Variants in SYT14 observed in about 807,000 individuals in gnomAD.
SYT14 encodes synaptotagmin 14, also known as synaptotagmin-14.
Under a neutral mutation model 74.2 loss-of-function variants are expected in SYT14, and 32 were observed. That is an observed-to-expected ratio of 0.43 (90% CI 0.33 to 0.58). SYT14 has a LOEUF of 0.58. SYT14 is among the 20% of genes least tolerant of loss of function. SYT14 has a pLI of 0.05. For synonymous variants in SYT14, 298 were observed against 337.7 expected (o/e 0.88, Z 1.29); for missense variants, 791 against 981.8 (o/e 0.81, Z 2.60).
At chr1:210,156,844 C>A in intron 8 of SYT14, 1 of 386,736 alleles carries the variant, frequency 2.6e-6, no homozygotes. Context: ...AGGCACCCAC[C>A]ACCACACCTA....
chr1:210,061,145 A>G (rs1454503451), intron 5 of SYT14, among the ~76,000 whole-genome samples: 1 of 151,760 alleles, frequency 6.6e-6, no homozygotes, highest in African/African-American at 2.4e-5. Context: ...CTATCCCATT[A>G]ATTTCATCCT....
At chr1:210,031,511 C>T (rs1174294257) in intron 5 of SYT14, among the ~76,000 whole-genome samples, 6 of 152,050 alleles carry the variant, frequency 3.9e-5, no homozygotes, top group Non-Finnish European at 8.8e-5. Context: ...CTCATAAATG[C>T]TTGGTAGAAT....
chr1:209,943,684 G>A (rs2078775477), intron 1 of SYT14, among the ~76,000 whole-genome samples: 1 of 152,044 alleles, frequency 6.6e-6, no homozygotes, highest in African/African-American at 2.4e-5. Context: ...ATGTGTGGTA[G>A]TATAATAGAT....
intron 4 of SYT14, among the ~76,000 whole-genome samples, chr1:210,020,481 G>T (rs1459196751): frequency 1.3e-5 from 2 of 152,154 alleles, no homozygotes; most frequent in Non-Finnish European, 2.9e-5. Context: ...CTCTAGGAAA[G>T]TAGTATCAGT....
At chr1:209,968,077 A>G (rs2079183908) in intron 2 of SYT14, among the ~76,000 whole-genome samples, 1 of 152,206 alleles carries the variant, frequency 6.6e-6, no homozygotes, top group African/African-American at 2.4e-5. Context: ...TTCAGTATGT[A>G]AACAATCAGG....
At chr1:210,013,746 C>A (rs1267189928) in exon 3 of SYT14, 3 of 1,612,690 alleles carry the variant, frequency 1.9e-6, no homozygotes, top group Non-Finnish European at 1.7e-6. Flanking sequence ...TGGCGGGTTT[C>A]CAGATCTTGG....
chr1:210,058,354 G>A (rs1431003361), intron 5 of SYT14, among the ~76,000 whole-genome samples: 1 of 152,184 alleles, frequency 6.6e-6, no homozygotes, highest in Non-Finnish European at 1.5e-5. Context: ...GAGGTACTGT[G>A]GTTACAGCTC....
At chr1:210,010,283 T>C (rs979569816) in intron 2 of SYT14, among the ~76,000 whole-genome samples, 3 of 152,196 alleles carry the variant, frequency 2.0e-5, no homozygotes, top group Non-Finnish European at 4.4e-5. Context: ...TAATCTTTCC[T>C]GAATACACAT....
At chr1:210,164,287 A>T (rs1418298234) in exon 10 of SYT14, 3 of 223,704 alleles carry the variant, frequency 1.3e-5, no homozygotes, top group African/African-American at 2.4e-5. Context: ...GACCACAATT[A>T]AAAAAAAAGA....
At chr1:210,040,171 A>G (rs1425841725) in intron 5 of SYT14, among the ~76,000 whole-genome samples, 3 of 152,322 alleles carry the variant, frequency 2.0e-5, no homozygotes, top group Admixed American at 6.5e-5. Flanking sequence ...CATATACACC[A>G]TGGAATACTA....
chr1:210,159,272 C>T (rs917168271), intron 8 of SYT14, 149 bp from the exon 8 acceptor site: 7 of 787,974 alleles, frequency 8.9e-6, no homozygotes, highest in Non-Finnish European at 1.3e-5. Flanking sequence ...TTTGTTCAAT[C>T]CTCTATCTGA....
chr1:210,107,108 G>C (rs2082172386), intron 7 of SYT14, among the ~76,000 whole-genome samples: 1 of 152,214 alleles, frequency 6.6e-6, no homozygotes. Context: ...AAAATGATCT[G>C]CTTTGACTCC....
intron 7 of SYT14, among the ~76,000 whole-genome samples, chr1:210,139,487 A>G (rs1056560172): frequency 9.2e-5 from 14 of 152,138 alleles, no homozygotes; most frequent in African/African-American, 3.1e-4. Context: ...GTAATTTTTC[A>G]TAACTATTGA....
intron 2 of SYT14, among the ~76,000 whole-genome samples, chr1:209,956,823 G>A (rs2079000349): frequency 6.6e-6 from 1 of 152,116 alleles, no homozygotes; most frequent in Non-Finnish European, 1.5e-5. Flanking sequence ...TAGGTAGAAG[G>A]GGAAATTCAT....
At chr1:210,082,874 C>G (rs1367259367) in intron 5 of SYT14, among the ~76,000 whole-genome samples, 2 of 152,130 alleles carry the variant, frequency 1.3e-5, no homozygotes, top group African/African-American at 2.4e-5. Context: ...AAATGAGAGG[C>G]AGTGAATTGA....
chr1:210,141,706 G>C (rs2082918310), intron 7 of SYT14, among the ~76,000 whole-genome samples: 1 of 152,192 alleles, frequency 6.6e-6, no homozygotes, highest in Non-Finnish European at 1.5e-5. Context: ...AGTCTTTGCT[G>C]AGGGGTTCTG....
chr1:210,061,238 A>G (rs887278868), intron 5 of SYT14, among the ~76,000 whole-genome samples: 3 of 152,024 alleles, frequency 2.0e-5, no homozygotes, highest in Admixed American at 6.6e-5. Flanking sequence ...GAATAGGACT[A>G]ATACGAAATT....
At chr1:210,043,277 A>C (rs538535024) in intron 5 of SYT14, among the ~76,000 whole-genome samples, 1 of 152,288 alleles carries the variant, frequency 6.6e-6, no homozygotes, top group East Asian at 1.9e-4. Flanking sequence ...ATTAAAGGAG[A>C]AAGGCTTCAG....
At chr1:210,055,102 C>T (rs1259413790) in intron 5 of SYT14, among the ~76,000 whole-genome samples, 1 of 152,106 alleles carries the variant, frequency 6.6e-6, no homozygotes, top group East Asian at 1.9e-4. Context: ...AGTGAAAGGG[C>T]TTGTTTCTCA....
Sources: gnomAD v4.1 joint callset for allele counts (sites outside exome capture counted in the v4.1 genomes callset) on GRCh38, gnomAD v4.1.1 for gene constraint, MANE v1.5 for transcripts, NCBI Gene and HGNC (gene_info 2026-07-23, HGNC 2026-07-21) for gene names.